The following ASB18 variants were observed in gnomAD, a reference collection of about 807,000 sequenced individuals.
ASB18 encodes the protein ankyrin repeat and SOCS box protein 18.
ASB18 carries 33 observed loss-of-function variants against 33.4 expected under a neutral mutation model. The observed-to-expected ratio is 0.99, with a 90% CI of 0.75 to 1.32. The LOEUF (loss-of-function observed/expected upper bound fraction) is 1.32, where lower values mean the gene tolerates loss of function less well. Among genes scored for constraint, ASB18 ranks in the 40% most tolerant of loss-of-function variants. The probability of loss-of-function intolerance (pLI) is 0.00; values close to 1 mark genes in which losing one functional copy is unlikely to be tolerated. For synonymous variants in ASB18, 295 were observed against 307.6 expected (o/e 0.96, Z 0.43); for missense variants, 694 against 655.5 (o/e 1.06, Z -0.64).
At position 236,237,336 on chromosome 2, in the gene ASB18, C is replaced by T. The variant is rs891876409; in HGVS notation, c.596+353G>A. On this transcript the variant is annotated intron_variant, in intron 3 of 5. Coordinates refer to ENST00000409749, the MANE Select transcript of ASB18 (RefSeq NM_212556.4). This position sits in a 1 kb window ranked among gnomAD's most constrained non-coding sequence, Gnocchi z 6.2. Reference sequence around the variant, plus strand: ...CGCAATCAAGCGCTAATTAAACCCGCGGGGGCCGGGGCCGGGGCGCGGGGC... The same window carrying T: ...CGCAATCAAGCGCTAATTAAACCCGTGGGGGCCGGGGCCGGGGCGCGGGGC... Among the ~76,000 whole-genome samples, 6 of 67,382 alleles carry T rather than the reference C, an allele frequency of 8.9e-5. No individual in the cohort carries two copies. Among genetic ancestry groups the T allele is most frequent in the African/African-American group, 2.5e-4 (6 of 23,794 alleles). The allele number at this position is 67,382 out of a possible 152,430, so 44.2% of individuals were successfully genotyped here.
intron 2 of ASB18, among the ~76,000 whole-genome samples, chr2:236,240,808 T>A (rs2106280183): frequency 6.6e-6 from 1 of 152,302 alleles, no homozygotes. Context: ...AGGAGGAGGA[T>A]CTACAGAGAG....
Position 236,216,604 on chromosome 2 carries a change from T to A in ASB18, c.597-1738A>T, listed in dbSNP as rs2060488865. Among the ~76,000 whole-genome samples the A allele has an allele frequency of 6.6e-6, 1 of 152,206 alleles. No homozygotes were observed. The highest frequency in any genetic ancestry group is 6.5e-5 in the Admixed American group (1 of 15,282). ...TGAGCCATCTCATCACCTGAACTGC[T>A]TCCTCCCTCCACTCCCAGTGTCACT... On this transcript the variant is annotated intron_variant, in intron 3 of 5. Transcript: ENST00000409749. The surrounding 1 kb of genome is among the most constrained non-coding windows in gnomAD (Gnocchi z 6.1).
rs1209838669 is a variant in ASB18 at position 236,211,981 on chromosome 2, T to C, written c.1101+2381A>G. On this transcript the variant is annotated intron_variant, in intron 4 of 5. Transcript: ENST00000409749. The surrounding 1 kb of genome is among the most constrained non-coding windows in gnomAD (Gnocchi z 5.0). ...CAGTGGCTGGAATCCCTTTCATTCA[T>C]TCAACAAACACTGATGGAAGGTCTG... Among the ~76,000 whole-genome samples, 1 of 152,164 alleles carries C rather than the reference T, an allele frequency of 6.6e-6. No individual in the cohort carries two copies. Among genetic ancestry groups the C allele is most frequent in the Non-Finnish European group, 1.5e-5 (1 of 68,034 alleles).
At position 236,200,977 on chromosome 2, in the gene ASB18, T is replaced by C. The variant is rs2060398158; in HGVS notation, c.1102-4592A>G. Among the ~76,000 whole-genome samples the C allele has an allele frequency of 6.6e-6, 1 of 152,214 alleles. No individual in the cohort carries two copies. Among genetic ancestry groups the C allele is most frequent in the African/African-American group, 2.4e-5 (1 of 41,464 alleles). On this transcript the variant is annotated intron_variant, in intron 4 of 5. Coordinates refer to ENST00000409749, the MANE Select transcript of ASB18 (RefSeq NM_212556.4). The surrounding 1 kb of genome is among the most constrained non-coding windows in gnomAD (Gnocchi z 4.2). Reference sequence around the variant, plus strand: ...TGTTTTGTTTGTCTTTCATGCTCCTTGGATTGACTGCTCAGTTAATTTCAT... The same window carrying C: ...TGTTTTGTTTGTCTTTCATGCTCCTCGGATTGACTGCTCAGTTAATTTCAT...
rs2060609556 is a variant in ASB18 at position 236,239,048 on chromosome 2, T to C, written c.329-1092A>G. 6.6e-6 allele frequency among the ~76,000 whole-genome samples: 1 copy of C among 151,830 alleles called. No individual in the cohort carries two copies. On this transcript the variant is annotated intron_variant, in intron 2 of 5. Coordinates refer to ENST00000409749, the MANE Select transcript of ASB18 (RefSeq NM_212556.4). The surrounding 1 kb of genome is among the most constrained non-coding windows in gnomAD (Gnocchi z 5.6). ...GGCCTGTGGGACTGGCATGGAATGGTGGTGGCCAGAGGCCCCAGGGACATG... is the reference window on the plus strand; with the variant it reads ...GGCCTGTGGGACTGGCATGGAATGGCGGTGGCCAGAGGCCCCAGGGACATG...
chr2:236,242,848 C>A (rs1459099092), intron 1 of ASB18, among the ~76,000 whole-genome samples: 1 of 136,262 alleles, frequency 7.3e-6, no homozygotes, highest in Non-Finnish European at 1.5e-5. Flanking sequence ...AAGGGTCCCC[C>A]CATCTCTACA....
rs534530739 is a variant in ASB18, at chr2:236,220,001, C to G, written c.597-5135G>C. Among the ~76,000 whole-genome samples the G allele has an allele frequency of 6.3e-4, 96 of 152,354 alleles. 1 individual carries two copies. Among genetic ancestry groups the G allele is most frequent in the African/African-American group, 2.3e-3 (94 of 41,586 alleles). On this transcript the variant is annotated intron_variant, in intron 3 of 5. Transcript: ENST00000409749. This position sits in a 1 kb window ranked among gnomAD's most constrained non-coding sequence, Gnocchi z 5.1. ...AAGCAACTTGGACAAACACATTAAT[C>G]TCTGGGTGCCTCATCTCTGTTTTCG...
Position 236,194,743 on chromosome 2 carries a change from C to CTTGGCAA in ASB18, c.*128_*129insTTGCCAA. ...AGCTTGGCAAGGTCTGTGCTTCACC[C>CTTGGCAA]GGTCCCACGGAGAGCAAGTGGGAAG... is the stretch of plus-strand genomic sequence containing the variant. On this transcript the variant is annotated 3_prime_UTR_variant, in exon 6 of 6. Transcript: ENST00000409749. This position sits in a 1 kb window ranked among gnomAD's most constrained non-coding sequence, Gnocchi z 4.5. The CTTGGCAA allele has an allele frequency of 5.1e-6, 4 of 778,000 alleles. No individual in the cohort carries two copies. The highest frequency in any genetic ancestry group is 8.0e-6 in the Non-Finnish European group (4 of 500,702). The allele number at this position is 778,000 out of a possible 1,614,324, so 48.2% of individuals were successfully genotyped here.
Position 236,241,220 on chromosome 2 carries a change from C to T in ASB18, c.328+60G>A. 1 of 1,571,290 alleles carries T rather than the reference C, an allele frequency of 6.4e-7. No individual in the cohort carries two copies. Among genetic ancestry groups the T allele is most frequent in the South Asian group, 1.1e-5 (1 of 87,500 alleles). On this transcript the variant is annotated intron_variant, in intron 2 of 5. Coordinates refer to ENST00000409749, the MANE Select transcript of ASB18 (RefSeq NM_212556.4). This position sits in a 1 kb window ranked among gnomAD's most constrained non-coding sequence, Gnocchi z 4.2. ...AGTCTACACACGGGAGCCTTACACT[C>T]CCAGAGAGTATTAGTAGCCCCTTAA...
At position 236,208,482 on chromosome 2, in the gene ASB18, C is replaced by T. The variant is rs1270271716; in HGVS notation, c.1101+5880G>A. 6.6e-6 allele frequency among the ~76,000 whole-genome samples: 1 copy of T among 152,192 alleles called. No homozygotes were observed. Among genetic ancestry groups the T allele is most frequent in the African/African-American group, 2.4e-5 (1 of 41,438 alleles). On this transcript the variant is annotated intron_variant, in intron 4 of 5. Coordinates refer to ENST00000409749, the MANE Select transcript of ASB18 (RefSeq NM_212556.4). This position sits in a 1 kb window ranked among gnomAD's most constrained non-coding sequence, Gnocchi z 7.7. ...TGCTCAGGTCTTGCTCACTGCAAAC[C>T]TCCAGCGACCCTCCCACTGGCCCTG... is the stretch of plus-strand genomic sequence containing the variant.
chr2:236,207,463 C>A (rs1475416970), intron 4 of ASB18, among the ~76,000 whole-genome samples: 1 of 152,220 alleles, frequency 6.6e-6, no homozygotes, highest in Admixed American at 6.5e-5. Context: ...CTCCTGTTTT[C>A]TGGATGCTGT....
Position 236,235,260 on chromosome 2 carries a change from C to T in ASB18, c.596+2429G>A, listed in dbSNP as rs1427869227. Reference sequence around the variant, plus strand: ...TGTACGTTTTCTATGTTTAGATACACAAATACTTCCCATTGTGTTACAATT... The same window carrying T: ...TGTACGTTTTCTATGTTTAGATACATAAATACTTCCCATTGTGTTACAATT... On this transcript the variant is annotated intron_variant, in intron 3 of 5. Coordinates refer to ENST00000409749, the MANE Select transcript of ASB18 (RefSeq NM_212556.4). This position sits in a 1 kb window ranked among gnomAD's most constrained non-coding sequence, Gnocchi z 6.2. 6.6e-6 allele frequency among the ~76,000 whole-genome samples: 1 copy of T among 152,228 alleles called. No homozygotes were observed. The highest frequency in any genetic ancestry group is 1.5e-5 in the Non-Finnish European group (1 of 68,044).
intron 1 of ASB18, among the ~76,000 whole-genome samples, chr2:236,246,630 G>A (rs985439197): frequency 1.3e-5 from 2 of 152,078 alleles, no homozygotes; most frequent in Non-Finnish European, 2.9e-5. Context: ...GAGATCAAAT[G>A]CATTTGCATG....
intron 1 of ASB18, among the ~76,000 whole-genome samples, chr2:236,247,111 T>G (rs2060648598): frequency 7.0e-6 from 1 of 142,026 alleles, no homozygotes; most frequent in African/African-American, 2.7e-5. Flanking sequence ...GGTGTAGTAG[T>G]CAAGAAACAG....
intron 1 of ASB18, among the ~76,000 whole-genome samples, chr2:236,243,157 C>T (rs1224543615): frequency 5.3e-5 from 8 of 151,396 alleles, no homozygotes; most frequent in Admixed American, 1.3e-4. Context: ...AGTGAAACCC[C>T]GTCTCTACTA....
In ASB18 at chr2:236,256,262, A is replaced by G. The variant is rs62191022; in HGVS notation, c.205+7879T>C. On this transcript the variant is annotated intron_variant, in intron 1 of 5. Coordinates refer to ENST00000409749, the MANE Select transcript of ASB18 (RefSeq NM_212556.4). This position sits in a 1 kb window ranked among gnomAD's most constrained non-coding sequence, Gnocchi z 4.7. ...GGCTGGTCTCAAACTCCTGGGCTCA[A>G]GAGATTCGCCCACCTTAGCCTCCCA... Among the ~76,000 whole-genome samples, 5,335 of 152,176 alleles carry G rather than the reference A, an allele frequency of 0.035. 128 individuals are homozygous for G. The highest frequency in any genetic ancestry group is 0.1 in the East Asian group (538 of 5,152).
Position 236,203,671 on chromosome 2 carries a change from G to A in ASB18, c.1102-7286C>T, listed in dbSNP as rs1279031772. Among the ~76,000 whole-genome samples, 2 of 152,146 alleles carry A rather than the reference G, an allele frequency of 1.3e-5. No individual in the cohort carries two copies. Among genetic ancestry groups the A allele is most frequent in the Admixed American group, 6.5e-5 (1 of 15,280 alleles). On this transcript the variant is annotated intron_variant, in intron 4 of 5. Coordinates refer to ENST00000409749, the MANE Select transcript of ASB18 (RefSeq NM_212556.4). This position sits in a 1 kb window ranked among gnomAD's most constrained non-coding sequence, Gnocchi z 6.0. ...ACTTGAGTCTAGGAGTTTGAGACTA[G>A]CCTGGGCAACATGGAGAAACCCTGT...
rs867210342 is a variant in ASB18, at chr2:236,253,002, C to A, written c.205+11139G>T. 1.3e-5 allele frequency among the ~76,000 whole-genome samples: 2 copies of A among 152,250 alleles called. No homozygotes were observed. Among genetic ancestry groups the A allele is most frequent in the Non-Finnish European group, 2.9e-5 (2 of 68,046 alleles). On this transcript the variant is annotated intron_variant, in intron 1 of 5. Coordinates refer to ENST00000409749, the MANE Select transcript of ASB18 (RefSeq NM_212556.4). This position sits in a 1 kb window ranked among gnomAD's most constrained non-coding sequence, Gnocchi z 5.4. ...CAGGGAAAACTGTGACAGGTCATCT[C>A]TGTTCCAGAGCTGCCCCTGGGGTCA...
At position 236,238,531 on chromosome 2, in the gene ASB18, G is replaced by C. The variant is rs1468067730; in HGVS notation, c.329-575C>G. Among the ~76,000 whole-genome samples the C allele has an allele frequency of 6.6e-6, 1 of 152,082 alleles. No homozygotes were observed. The highest frequency in any genetic ancestry group is 6.5e-5 in the Admixed American group (1 of 15,274). ...AGAAAGTTTAGCTCTCTTGCAAGTG[G>C]CTGAGTTTTCAGAAGCACACTTTGA... On this transcript the variant is annotated intron_variant, in intron 2 of 5. Coordinates refer to ENST00000409749, the MANE Select transcript of ASB18 (RefSeq NM_212556.4). The surrounding 1 kb of genome is among the most constrained non-coding windows in gnomAD (Gnocchi z 5.2).
Sources: gnomAD v4.1 joint callset for allele counts (sites outside exome capture counted in the v4.1 genomes callset) on GRCh38, gnomAD v4.1.1 for gene constraint, Gnocchi (gnomAD v3.1) non-coding constraint, MANE v1.5 for transcripts, NCBI Gene and HGNC (gene_info 2026-07-23, HGNC 2026-07-21) for gene names.